Variants in BBS9 observed in about 807,000 individuals in gnomAD.
The protein encoded by BBS9 is protein PTHB1.
In BBS9, 89 loss-of-function variants were observed where a neutral mutation model predicts 117.7. The observed-to-expected ratio is 0.76, with a 90% CI of 0.64 to 0.90. BBS9 has a LOEUF of 0.90. BBS9 is among the 40% of genes least tolerant of loss of function. The pLI is 0.00. For synonymous variants in BBS9, 379 were observed against 370.9 expected (o/e 1.02, Z -0.25); for missense variants, 982 against 1,042.2 (o/e 0.94, Z 0.80).
chr7:33,592,608 C>T (rs1862116413), intron 21 of BBS9, among the ~76,000 whole-genome samples: 1 of 152,062 alleles, frequency 6.6e-6, no homozygotes, highest in African/African-American at 2.4e-5. Context: ...CAGGCACACT[C>T]CAGAGCTGTT....
chr7:33,156,635 C>A (rs1003823219), intron 4 of BBS9, among the ~76,000 whole-genome samples: 1 of 152,086 alleles, frequency 6.6e-6, no homozygotes, highest in African/African-American at 2.4e-5. Context: ...GGTAACCTGG[C>A]GTGGTATATG....
Position 33,625,191 on chromosome 7 carries a change from A to G in BBS9, c.2522-9986A>G, listed in dbSNP as rs140947891. Among the ~76,000 whole-genome samples the G allele has an allele frequency of 1.6e-4, 25 of 152,300 alleles. No individual in the cohort carries two copies. In the East Asian group the frequency reaches 4.6e-3, roughly 28 times the overall value. On this transcript the variant is annotated intron_variant, in intron 21 of 21. Transcript: ENST00000671952. ...ATTATAGTACCTTGGGTCCTATTCT[A>G]TATGGGCTCAAAATCTAGAAATATG...
At chr7:33,145,748 G>C (rs1383092250) in intron 1 of BBS9, among the ~76,000 whole-genome samples, 1 of 152,132 alleles carries the variant, frequency 6.6e-6, no homozygotes, top group Admixed American at 6.5e-5. Context: ...ACTGTACTAG[G>C]TATACTAGGT....
Position 33,264,382 on chromosome 7 carries a change from C to T in BBS9, c.702+8C>T. 6.5e-7 allele frequency: 1 copy of T among 1,542,942 alleles called. No individual in the cohort carries two copies. Among genetic ancestry groups the T allele is most frequent in the Non-Finnish European group, 8.8e-7 (1 of 1,131,332 alleles). Reference sequence around the variant, plus strand: ...TCTGGAAAAAGACTAGTTGTAAGGCCTTTTTTTAATATATAAAAATTTCAA... The same window carrying T: ...TCTGGAAAAAGACTAGTTGTAAGGCTTTTTTTTAATATATAAAAATTTCAA... On this transcript the variant is annotated splice_region_variant and intron_variant, in intron 7 of 22. Coordinates refer to ENST00000242067, the MANE Select transcript of BBS9 (RefSeq NM_198428.3).
chr7:33,485,308 G>GT (rs371550940), intron 19 of BBS9, among the ~76,000 whole-genome samples: 27,743 of 127,166 alleles, frequency 0.22, 3,583 homozygotes, highest in Admixed American at 0.34. Context: ...TAACATAAAA[G>GT]TTTTTTTTTT....
intron 4 of BBS9, among the ~76,000 whole-genome samples, chr7:33,176,523 TA>T (rs1369907977): frequency 5.9e-5 from 9 of 152,322 alleles, no homozygotes; most frequent in African/African-American, 2.2e-4. Flanking sequence ...AAAACGGAAA[TA>T]AAAATATATT....
chr7:33,259,214 T>C (rs1223478275), intron 6 of BBS9, among the ~76,000 whole-genome samples: 1 of 152,224 alleles, frequency 6.6e-6, no homozygotes, highest in Non-Finnish European at 1.5e-5. Context: ...AATCAATTAA[T>C]AGAATAGGCT....
intron 21 of BBS9, among the ~76,000 whole-genome samples, chr7:33,553,813 G>A (rs1854842965): frequency 6.6e-6 from 1 of 152,108 alleles, no homozygotes; most frequent in East Asian, 1.9e-4. Context: ...AGGCATTGGG[G>A]TATGATGACT....
chr7:33,330,862 AAT>A (rs1224919937), intron 9 of BBS9, among the ~76,000 whole-genome samples: 3 of 152,222 alleles, frequency 2.0e-5, no homozygotes, highest in African/African-American at 7.2e-5. Context: ...TGATTTTGTC[AAT>A]GTTAATGATG....
At position 33,634,170 on chromosome 7, in the gene BBS9, T is replaced by A. The variant is rs369753121; in HGVS notation, c.2522-1007T>A. On this transcript the variant is annotated intron_variant, in intron 21 of 21. Coordinates refer to the BBS9 transcript ENST00000671952. ...CTCCCTGCTCTCCCAAGTCCCTGCCTCCCCCAGGAGTGCCTGAGCCTTGGT... is the reference window on the plus strand; with the variant it reads ...CTCCCTGCTCTCCCAAGTCCCTGCCACCCCCAGGAGTGCCTGAGCCTTGGT... Among the ~76,000 whole-genome samples, 12 of 152,214 alleles carry A rather than the reference T, an allele frequency of 7.9e-5. No homozygotes were observed. The South Asian group carries it at 1.9e-3, about 24-fold the overall frequency.
At chr7:33,373,201 C>T (rs1437044451) in intron 17 of BBS9, among the ~76,000 whole-genome samples, 4 of 151,978 alleles carry the variant, frequency 2.6e-5, no homozygotes, top group Non-Finnish European at 4.4e-5. Flanking sequence ...TTTTAGAGCA[C>T]TGAGGAGCGT....
intron 19 of BBS9, among the ~76,000 whole-genome samples, chr7:33,400,580 T>C (rs1360680407): frequency 6.6e-6 from 1 of 152,160 alleles, no homozygotes; most frequent in Non-Finnish European, 1.5e-5. Context: ...ATTTTCTCTC[T>C]CTCTTTAAGT....
At chr7:33,260,346 C>G (rs1166849996) in intron 6 of BBS9, among the ~76,000 whole-genome samples, 8 of 152,066 alleles carry the variant, frequency 5.3e-5, no homozygotes, top group Non-Finnish European at 1.0e-4. Context: ...TAATCCAGTC[C>G]CATTTTACCT....
chr7:33,131,756 T>C (rs998951667), intron 1 of BBS9, among the ~76,000 whole-genome samples: 4 of 152,156 alleles, frequency 2.6e-5, no homozygotes, highest in Non-Finnish European at 5.9e-5. Flanking sequence ...TGAGACCTCG[T>C]CTTTGCCGAG....
chr7:33,380,340 G>A (rs759747059), intron 17 of BBS9: 5 of 158,600 alleles, frequency 3.2e-5, no homozygotes, highest in Middle Eastern at 2.7e-3. Flanking sequence ...CACCAGCAGT[G>A]CCCTCTCCTT....
chr7:33,437,247 A>C (rs1835429143), intron 19 of BBS9, among the ~76,000 whole-genome samples: 1 of 152,188 alleles, frequency 6.6e-6, no homozygotes, highest in South Asian at 2.1e-4. Flanking sequence ...CTTGGCATTT[A>C]ACCTCTTTGG....
At chr7:33,133,735 T>C (rs1230310910) in intron 1 of BBS9, among the ~76,000 whole-genome samples, 1 of 152,236 alleles carries the variant, frequency 6.6e-6, no homozygotes, top group Non-Finnish European at 1.5e-5. Flanking sequence ...AAATTTTAGA[T>C]ATTATGAATA....
intron 21 of BBS9, among the ~76,000 whole-genome samples, chr7:33,575,356 A>G (rs1401085974): frequency 6.6e-6 from 1 of 152,182 alleles, no homozygotes; most frequent in Non-Finnish European, 1.5e-5. Context: ...AGACTAAACC[A>G]GGAAGAAGTT....
chr7:33,157,218 A>G (rs1376555737), intron 4 of BBS9, among the ~76,000 whole-genome samples: 2 of 152,322 alleles, frequency 1.3e-5, no homozygotes, highest in Non-Finnish European at 2.9e-5. Context: ...ACTGGGGCTT[A>G]GAGCACAGAC....
Sources: gnomAD v4.1 joint callset for allele counts (sites outside exome capture counted in the v4.1 genomes callset) on GRCh38, gnomAD v4.1.1 for gene constraint, MANE v1.5 for transcripts, NCBI Gene and HGNC (gene_info 2026-07-23, HGNC 2026-07-21) for gene names.